Variants in NT5DC1 observed in about 807,000 individuals in gnomAD.
NT5DC1 encodes 5'-nucleotidase domain-containing protein 1.
In NT5DC1, 42 loss-of-function variants were observed where a neutral mutation model predicts 59.4. The ratio of observed to expected loss-of-function variants is 0.71; its 90% CI spans 0.55 to 0.92. NT5DC1 has a LOEUF of 0.92. Ranked by LOEUF, NT5DC1 falls within the 40% of genes least tolerant of loss-of-function variation. The pLI is 0.00. For synonymous variants in NT5DC1, 172 were observed against 188.1 expected (o/e 0.91, Z 0.70); for missense variants, 501 against 537.1 (o/e 0.93, Z 0.66).
At chr6:116,121,974 C>A in intron 6 of NT5DC1, 1 of 1,606,156 alleles carries the variant, frequency 6.2e-7, no homozygotes, top group African/African-American at 1.3e-5. Flanking sequence ...AAAAGACACA[C>A]CCAACACACC....
At chr6:116,189,258 A>G (rs1173191249) in intron 6 of NT5DC1, among the ~76,000 whole-genome samples, 1 of 151,876 alleles carries the variant, frequency 6.6e-6, no homozygotes, top group Non-Finnish European at 1.5e-5. Flanking sequence ...TTTCTCTTGT[A>G]AACCTTTAGA....
chr6:116,210,409 C>G lies in NT5DC1; in HGVS notation c.530-10645C>G, dbSNP rs547117080. Among the ~76,000 whole-genome samples the G allele has an allele frequency of 3.3e-5, 5 of 151,810 alleles. No individual in the cohort carries two copies. The South Asian group carries it at 1.0e-3, about 32-fold the overall frequency. ...AGATTTGTGGTGACCCTGTAGTTAC[C>G]ATAGAGTCCCCAAATGCCTTGTAAC... On this transcript the variant is annotated intron_variant, in intron 6 of 11. Coordinates refer to ENST00000319550, the MANE Select transcript of NT5DC1 (RefSeq NM_152729.3).
At chr6:116,128,871 T>A (rs1562129491) in intron 6 of NT5DC1, among the ~76,000 whole-genome samples, 1 of 152,196 alleles carries the variant, frequency 6.6e-6, no homozygotes. Flanking sequence ...ACCACCTTGT[T>A]AATATTAGTT....
rs759789307 is a variant in NT5DC1 at position 116,110,955 on chromosome 6, A to G, written c.363A>G (p.Ser121=). The G allele has an allele frequency of 3.7e-6, 6 of 1,600,460 alleles. No individual in the cohort carries two copies. The highest frequency in any genetic ancestry group is 5.1e-6 in the Non-Finnish European group (6 of 1,167,660). Residue 121 remains serine (S), a splice_region_variant and synonymous_variant, in exon 4 of 12, where the codon TCA becomes TCG. Transcript: ENST00000319550. ...FLSDTGMACR[S]GKYYFYDNYF... ...CGGACACTGGAATGGCTTGCCGCTC[A>G]GGTATGACTCAAATGAGGCAGCTCC...
At chr6:116,165,479 T>C (rs1022356341) in intron 6 of NT5DC1, among the ~76,000 whole-genome samples, 3 of 152,262 alleles carry the variant, frequency 2.0e-5, no homozygotes, top group Non-Finnish European at 4.4e-5. Flanking sequence ...CTATAAATTA[T>C]AGATTTGGTG....
chr6:116,220,864 A>G (rs532644613), intron 6 of NT5DC1, among the ~76,000 whole-genome samples, 190 bp from the exon 7 acceptor site: 1 of 152,354 alleles, frequency 6.6e-6, no homozygotes, highest in South Asian at 2.1e-4. Flanking sequence ...TTTTCAAACA[A>G]TATTGTGTTT....
At chr6:116,120,215 T>C in intron 6 of NT5DC1, 1 of 1,614,168 alleles carries the variant, frequency 6.2e-7, no homozygotes, top group Non-Finnish European at 8.5e-7. Context: ...TGAAGCCTGA[T>C]CCAGGTAGCC....
intron 6 of NT5DC1, among the ~76,000 whole-genome samples, chr6:116,203,521 G>A (rs2114513737): frequency 6.6e-6 from 1 of 151,820 alleles, no homozygotes. Context: ...CTCCTATAAT[G>A]TCTCCCTGTT....
intron 1 of NT5DC1, among the ~76,000 whole-genome samples, chr6:116,102,290 G>T (rs997605260): frequency 6.6e-6 from 1 of 152,200 alleles, no homozygotes; most frequent in African/African-American, 2.4e-5. Flanking sequence ...CGAATTTCTC[G>T]TGTGTTTTCT....
At chr6:116,121,856 C>T (rs1028743217) in intron 6 of NT5DC1, 2 of 1,613,924 alleles carry the variant, frequency 1.2e-6, no homozygotes, top group South Asian at 2.2e-5. Context: ...GAGTCCAGGA[C>T]TTCCGTAGCC....
chr6:116,225,148 G>A (rs1003359314), intron 8 of NT5DC1, among the ~76,000 whole-genome samples: 1 of 152,132 alleles, frequency 6.6e-6, no homozygotes, highest in Non-Finnish European at 1.5e-5. Context: ...AAAATACAGA[G>A]GATAAAGTTG....
At chr6:116,156,781 G>A (rs1005628429) in intron 6 of NT5DC1, among the ~76,000 whole-genome samples, 1 of 152,086 alleles carries the variant, frequency 6.6e-6, no homozygotes, top group Non-Finnish European at 1.5e-5. Context: ...GATATCTATG[G>A]ATATGAAGAA....
chr6:116,155,467 A>G (rs1287691555), intron 6 of NT5DC1, among the ~76,000 whole-genome samples: 2 of 152,200 alleles, frequency 1.3e-5, no homozygotes, highest in African/African-American at 2.4e-5. Flanking sequence ...ATGGCCTAAA[A>G]TCGTATTTTA....
At chr6:116,162,205 G>A (rs916964536) in intron 6 of NT5DC1, among the ~76,000 whole-genome samples, 1 of 152,102 alleles carries the variant, frequency 6.6e-6, no homozygotes, top group Non-Finnish European at 1.5e-5. Flanking sequence ...TTAAATGTAA[G>A]ATTATGTCCT....
At chr6:116,172,078 G>GT (rs902598071) in intron 6 of NT5DC1, among the ~76,000 whole-genome samples, 19 of 152,220 alleles carry the variant, frequency 1.2e-4, no homozygotes, top group African/African-American at 4.6e-4. Context: ...TGGTTTCAGT[G>GT]TTTTTTCCAT....
intron 6 of NT5DC1, among the ~76,000 whole-genome samples, chr6:116,208,422 C>A (rs1457841686): frequency 1.3e-5 from 2 of 152,006 alleles, no homozygotes; most frequent in Non-Finnish European, 2.9e-5. Context: ...TACAGTGTAT[C>A]TCTTTGAAGC....
chr6:116,113,743 A>G (rs1173782864), intron 4 of NT5DC1, among the ~76,000 whole-genome samples: 1 of 152,210 alleles, frequency 6.6e-6, no homozygotes, highest in East Asian at 1.9e-4. Context: ...CCCTTACTCA[A>G]AATCAATAGT....
At chr6:116,178,092 C>T (rs12177968) in intron 6 of NT5DC1, among the ~76,000 whole-genome samples, 17,281 of 67,826 alleles carry the variant, frequency 0.25, 1,119 homozygotes, top group Middle Eastern at 0.34. Context: ...TGTGTGTGCG[C>T]GCGCGCGCGC....
At chr6:116,234,237 G>C (rs375724405) in intron 8 of NT5DC1, among the ~76,000 whole-genome samples, 1 of 151,808 alleles carries the variant, frequency 6.6e-6, no homozygotes, top group African/African-American at 2.4e-5. Context: ...TGGGATTACA[G>C]GTGTGAGCCA....
Sources: allele counts gnomAD v4.1 joint callset (sites outside exome capture counted in the v4.1 genomes callset), GRCh38; gene constraint gnomAD v4.1.1; transcripts MANE v1.5; gene names NCBI Gene and HGNC (gene_info 2026-07-23, HGNC 2026-07-21).